The following PIGM variants were observed in gnomAD, a reference collection of about 807,000 sequenced individuals.
The protein encoded by PIGM is phosphatidylinositol glycan anchor biosynthesis class M.
In PIGM, 7 loss-of-function variants were observed where a neutral mutation model predicts 14.6. The ratio of observed to expected loss-of-function variants is 0.48; its 90% CI spans 0.27 to 0.90. The LOEUF (loss-of-function observed/expected upper bound fraction) is 0.90, where lower values mean the gene tolerates loss of function less well. Among genes scored for constraint, PIGM ranks in the 40% least tolerant of loss-of-function variants. The probability of loss-of-function intolerance (pLI) is 0.12; values close to 1 mark genes in which losing one functional copy is unlikely to be tolerated. For synonymous variants in PIGM, 216 were observed against 215.9 expected (o/e 1.00, Z 0.00); for missense variants, 506 against 516.2 (o/e 0.98, Z 0.19).
rs776122765 is a variant in PIGM at position 160,031,586 on chromosome 1, A to G, written c.154T>C (p.Tyr52His). Reference protein sequence around the residue: ...TLHVRYTDIDYQVFTDAARFV... With the variant: ...TLHVRYTDIDHQVFTDAARFV... ...CGCGCGGCGTCGGTGAAGACCTGGT[A>G]GTCGATGTCCGTATACCTCACGTGC... The change falls in exon 1 of 1, where the codon TAC becomes CAC. Residue 52 changes from tyrosine (Y) to histidine (H), a missense_variant. Tyr to His is a moderately conservative substitution (Grantham distance 83). Transcript: ENST00000368090. The G allele has an allele frequency of 1.2e-6, 2 of 1,614,146 alleles. No homozygotes were observed. Among genetic ancestry groups the G allele is most frequent in the Non-Finnish European group, 1.7e-6 (2 of 1,180,020 alleles).
rs745645140 is a variant in PIGM, at chr1:160,030,512, G to T, written c.1228C>A (p.His410Asn). 4 of 1,613,538 alleles carry T rather than the reference G, an allele frequency of 2.5e-6. No individual in the cohort carries two copies. In the Admixed American group the frequency reaches 5.0e-5, roughly 20 times the overall value. ...NCSILIQIIS[H>N]YKEEPLTERI... The stretch of plus-strand genomic sequence containing the variant: ...TCTGTCAGGGGTTCTTCTTTGTAAT[G>T]GGAAATAATTTGAATCAGGATGGAA... The change falls in exon 1 of 1, where the codon CAT becomes AAT. Residue 410 changes from histidine to asparagine, a missense_variant. By Grantham distance (68) the His-to-Asn change is moderately conservative (BLOSUM62 1). Transcript: ENST00000368090.
At position 160,030,443 on chromosome 1, in the gene PIGM, A is replaced by T. The variant is rs1352208698; in HGVS notation, c.*25T>A. The T allele has an allele frequency of 6.3e-6, 10 of 1,588,898 alleles. No individual in the cohort carries two copies. The highest frequency in any genetic ancestry group is 8.6e-6 in the Non-Finnish European group (10 of 1,157,724). ...ATACAAGACAATCAGAATGTAACACAGTAGCAGAGGGTGTGGAACATACAC... is the reference window on the plus strand; with the variant it reads ...ATACAAGACAATCAGAATGTAACACTGTAGCAGAGGGTGTGGAACATACAC... On this transcript the variant is annotated 3_prime_UTR_variant, in exon 1 of 1. Transcript: ENST00000368090.
In PIGM at chr1:160,029,057, C is replaced by A. The variant is rs1648245523; in HGVS notation, c.*1411G>T. 6.6e-6 allele frequency: 1 copy of A among 151,984 alleles called. No individual in the cohort carries two copies. Among genetic ancestry groups the A allele is most frequent in the Admixed American group, 6.5e-5 (1 of 15,268 alleles). 9.4% of individuals were successfully genotyped at this position (151,984 alleles called of 1,614,324 possible). A position where few individuals can be genotyped will look rare whatever the true frequency, so the allele number is the denominator to read the frequency against. On this transcript the variant is annotated 3_prime_UTR_variant, in exon 1 of 1. Coordinates refer to ENST00000368090, the MANE Select transcript of PIGM (RefSeq NM_145167.3). ...GTCTTACTAACAAGTTGTTTTATCA[C>A]CTAAAATCTACTATTATCCATTTTT...
Position 160,027,173 on chromosome 1 carries a change from G to A in PIGM, c.*3295C>T, listed in dbSNP as rs1301538702. ...GGGGGGAACCAAGAGGTTGCATTTA[G>A]GGACAATCCTAGGTATAATTTTTCC... is the stretch of plus-strand genomic sequence containing the variant. On this transcript the variant is annotated 3_prime_UTR_variant, in exon 1 of 1. Coordinates refer to ENST00000368090, the MANE Select transcript of PIGM (RefSeq NM_145167.3). 6.6e-6 allele frequency: 1 copy of A among 152,154 alleles called. No individual in the cohort carries two copies. Among genetic ancestry groups the A allele is most frequent in the Non-Finnish European group, 1.5e-5 (1 of 68,044 alleles). The allele number at this position is 152,154 out of a possible 1,614,324, so 9.4% of individuals were successfully genotyped here.
At position 160,027,950 on chromosome 1, in the gene PIGM, C is replaced by G. The variant is rs1045642092; in HGVS notation, c.*2518G>C. ...TTCCAAAGTTTGAAGTTCCCTCCAA[C>G]GATCCCAGCAGAAATGTTTCTAACT... On this transcript the variant is annotated 3_prime_UTR_variant, in exon 1 of 1. Coordinates refer to ENST00000368090, the MANE Select transcript of PIGM (RefSeq NM_145167.3). 6 of 152,108 alleles carry G rather than the reference C, an allele frequency of 3.9e-5. No individual in the cohort carries two copies. Among genetic ancestry groups the G allele is most frequent in the African/African-American group, 1.4e-4 (6 of 41,412 alleles). 9.4% of individuals were successfully genotyped at this position (152,108 alleles called of 1,614,324 possible).
chr1:160,030,550 A>G lies in PIGM; in HGVS notation c.1190T>C (p.Leu397Pro). The G allele has an allele frequency of 6.2e-7, 1 of 1,613,990 alleles. No homozygotes were observed. The highest frequency in any genetic ancestry group is 8.5e-7 in the Non-Finnish European group (1 of 1,179,836). The part of the protein sequence containing the change: ...LFIWLAGLFF[L>P]LINCSILIQI... ...AATCAGGATGGAACAATTGATAAGA[A>G]GAAAGAACAAACCAGCTAACCAAAT... Residue 397 changes from leucine (L) to proline (P), a missense_variant, in exon 1 of 1, where the codon CTT becomes CCT. Physicochemically the swap from Leu to Pro is moderately conservative, Grantham distance 98. Transcript: ENST00000368090.
At position 160,030,782 on chromosome 1, in the gene PIGM, G is replaced by A; in HGVS notation, c.958C>T (p.His320Tyr). Reference sequence around the variant, plus strand: ...TTAAAAGTCACAAAAATGGACGTATGAAGAAAACAACAAAAAACGAGGTCT... The same window carrying A: ...TTAAAAGTCACAAAAATGGACGTATAAAGAAAACAACAAAAAACGAGGTCT... ...YRDLVFCCFL[H>Y]TSIFVTFNKV... The change falls in exon 1 of 1, where the codon CAT becomes TAT. Residue 320 changes from histidine to tyrosine, a missense_variant. Physicochemically the swap from His to Tyr is moderately conservative, Grantham distance 83 (BLOSUM62 2). Transcript: ENST00000368090. 4 of 1,614,170 alleles carry A rather than the reference G, an allele frequency of 2.5e-6. No individual in the cohort carries two copies. Among genetic ancestry groups the A allele is most frequent in the Non-Finnish European group, 3.4e-6 (4 of 1,180,012 alleles).
rs918357764 is a variant in PIGM at position 160,029,382 on chromosome 1, T to G, written c.*1086A>C. On this transcript the variant is annotated 3_prime_UTR_variant, in exon 1 of 1. Transcript: ENST00000368090. ...ACATGAAACATGATTACAATTTAAA[T>G]TCTTTGGATTATCTTTTTTTTTTTT... The G allele has an allele frequency of 4.7e-5, 7 of 147,832 alleles. No individual in the cohort carries two copies. The highest frequency in any genetic ancestry group is 1.4e-4 in the Admixed American group (2 of 14,166). 9.2% of individuals were successfully genotyped at this position (147,832 alleles called of 1,614,324 possible). A position where few individuals can be genotyped will look rare whatever the true frequency, so the allele number is the denominator to read the frequency against.
rs897377471 is a variant in PIGM at position 160,028,336 on chromosome 1, A to ATGGC, written c.*2128_*2131dup. Reference sequence around the variant, plus strand: ...AATAGGAAAAAAAGGTAAGAATGCTATGGCTGGAAGGCCACTAGTAAACAA... The same window carrying ATGGC: ...AATAGGAAAAAAAGGTAAGAATGCTATGGCTGGCTGGAAGGCCACTAGTAAACAA... On this transcript the variant is annotated 3_prime_UTR_variant, in exon 1 of 1. Coordinates refer to ENST00000368090, the MANE Select transcript of PIGM (RefSeq NM_145167.3). 5 of 152,036 alleles carry ATGGC rather than the reference A, an allele frequency of 3.3e-5. No homozygotes were observed. Among genetic ancestry groups the ATGGC allele is most frequent in the African/African-American group, 1.2e-4 (5 of 41,402 alleles). 9.4% of individuals were successfully genotyped at this position (152,036 alleles called of 1,614,324 possible).
At position 160,030,351 on chromosome 1, in the gene PIGM, A is replaced by G; in HGVS notation, c.*117T>C. On this transcript the variant is annotated 3_prime_UTR_variant, in exon 1 of 1. Transcript: ENST00000368090. ...AACATTGCTTTTAAGTTCTGTTGGA[A>G]CATGGGAACTTTCACTAGAATGCTT... 5.5e-6 allele frequency: 6 copies of G among 1,095,340 alleles called. No homozygotes were observed. The highest frequency in any genetic ancestry group is 8.3e-6 in the Non-Finnish European group (6 of 719,740). 67.9% of individuals were successfully genotyped at this position (1,095,340 alleles called of 1,614,324 possible).
Position 160,031,696 on chromosome 1 carries a change from T to C in PIGM, c.44A>G (p.Lys15Arg), listed in dbSNP as rs1323930592. The C allele has an allele frequency of 6.2e-7, 1 of 1,614,190 alleles. No individual in the cohort carries two copies. Among genetic ancestry groups the C allele is most frequent in the South Asian group, 1.1e-5 (1 of 91,084 alleles). ...KHWGEWLLNL[K>R]VAPAGVFGVA... ...ACCAAAGACGCCGGCTGGAGCCACC[T>C]TCAAGTTCAGGAGCCATTCGCCCCA... Residue 15 changes from lysine (K) to arginine (R), a missense_variant, in exon 1 of 1, where the codon AAG becomes AGG. Lys to Arg is a conservative substitution (Grantham distance 26). Coordinates refer to ENST00000368090, the MANE Select transcript of PIGM (RefSeq NM_145167.3).
rs1166072517 is a variant in PIGM, at chr1:160,026,993, T to G, written c.*3475A>C. 6.6e-6 allele frequency: 1 copy of G among 152,094 alleles called. No homozygotes were observed. The highest frequency in any genetic ancestry group is 1.5e-5 in the Non-Finnish European group (1 of 68,086). The allele number at this position is 152,094 out of a possible 1,614,324, so 9.4% of individuals were successfully genotyped here. Reference sequence around the variant, plus strand: ...CAGCTTCCCAAGTAGCACTTTTTTTTTTGTACAGATGGGGGTCTCACTATG... The same window carrying G: ...CAGCTTCCCAAGTAGCACTTTTTTTGTTGTACAGATGGGGGTCTCACTATG... On this transcript the variant is annotated 3_prime_UTR_variant, in exon 1 of 1. Coordinates refer to ENST00000368090, the MANE Select transcript of PIGM (RefSeq NM_145167.3).
chr1:160,031,543 CG>C lies in PIGM; in HGVS notation c.196del (p.Arg66AlafsTer5). The part of the protein sequence containing the change: ...TDAARFVTEG[R>X]SPYLRATYRY... ...GTACGTGGCTCTCAGGTAAGGCGAG[CG>C]CCCCTCCGTGACGAAGCGCGCGGCG... On this transcript the variant is annotated frameshift_variant, in exon 1 of 1. Transcript: ENST00000368090. LOFTEE classifies it low-confidence loss of function (END_TRUNC). The C allele has an allele frequency of 2.5e-6, 4 of 1,614,182 alleles. No individual in the cohort carries two copies. The highest frequency in any genetic ancestry group is 2.5e-6 in the Non-Finnish European group (3 of 1,180,040).
At position 160,029,776 on chromosome 1, in the gene PIGM, C is replaced by CTTTTTTTTT. The variant is rs1491248746; in HGVS notation, c.*691_*692insAAAAAAAAA. 24 of 77,452 alleles carry CTTTTTTTTT rather than the reference C, an allele frequency of 3.1e-4. 3 individuals are homozygous for CTTTTTTTTT. Among genetic ancestry groups the CTTTTTTTTT allele is most frequent in the African/African-American group, 7.4e-4 (18 of 24,456 alleles). 4.8% of individuals were successfully genotyped at this position (77,452 alleles called of 1,614,324 possible). A position where few individuals can be genotyped will look rare whatever the true frequency, so the allele number is the denominator to read the frequency against. On this transcript the variant is annotated 3_prime_UTR_variant, in exon 1 of 1. Transcript: ENST00000368090. ...TTTTCTATCTAAAAAGTTGTCCTTT[C>CTTTTTTTTT]CTTTTTTTTTTTTTTTTTTTTTTTG...
Position 160,030,423 on chromosome 1 carries a change from A to G in PIGM, c.*45T>C. 6.4e-7 allele frequency: 1 copy of G among 1,561,424 alleles called. No homozygotes were observed. ...CCAAAGCTCTCTTCTGGTCCATACA[A>G]GACAATCAGAATGTAACACAGTAGC... On this transcript the variant is annotated 3_prime_UTR_variant, in exon 1 of 1. Transcript: ENST00000368090.
At position 160,030,005 on chromosome 1, in the gene PIGM, G is replaced by C. The variant is rs1318461415; in HGVS notation, c.*463C>G. On this transcript the variant is annotated 3_prime_UTR_variant, in exon 1 of 1. Transcript: ENST00000368090. ...GCCTCCCAAAGTGCTGAGACTACAGGCAAGGGCCACCATACACAGTTTAAG... is the reference window on the plus strand; with the variant it reads ...GCCTCCCAAAGTGCTGAGACTACAGCCAAGGGCCACCATACACAGTTTAAG... 5.8e-6 allele frequency: 1 copy of C among 171,890 alleles called. No individual in the cohort carries two copies. Among genetic ancestry groups the C allele is most frequent in the African/African-American group, 2.4e-5 (1 of 41,416 alleles). The allele number at this position is 171,890 out of a possible 1,614,324, so 10.6% of individuals were successfully genotyped here.
Position 160,026,533 on chromosome 1 carries a change from G to A in PIGM, c.*3935C>T, listed in dbSNP as rs1470942696. On this transcript the variant is annotated 3_prime_UTR_variant, in exon 1 of 1. Coordinates refer to ENST00000368090, the MANE Select transcript of PIGM (RefSeq NM_145167.3). ...TGTTGAATTTAGATGATGGCAATAT[G>A]AGTAGTGTTTAAAATAGTTAGGTCA... is the stretch of plus-strand genomic sequence containing the variant. 2 of 152,178 alleles carry A rather than the reference G, an allele frequency of 1.3e-5. No individual in the cohort carries two copies. The highest frequency in any genetic ancestry group is 2.4e-5 in the African/African-American group (1 of 41,442). The allele number at this position is 152,178 out of a possible 1,614,324, so 9.4% of individuals were successfully genotyped here.
Position 160,030,510 on chromosome 1 carries a change from A to G in PIGM, c.1230T>C (p.His410=), listed in dbSNP as rs757361945. Residue 410 remains histidine (H), a synonymous_variant, in exon 1 of 1, where the codon CAT becomes CAC. Transcript: ENST00000368090. The part of the protein sequence containing the change: ...NCSILIQIIS[H]YKEEPLTERI... The stretch of plus-strand genomic sequence containing the variant: ...TCTCTGTCAGGGGTTCTTCTTTGTA[A>G]TGGGAAATAATTTGAATCAGGATGG... The G allele has an allele frequency of 4.3e-6, 7 of 1,613,742 alleles. No individual in the cohort carries two copies. The South Asian group carries it at 4.4e-5, about 10-fold the overall frequency.
chr1:160,028,052 G>T lies in PIGM; in HGVS notation c.*2416C>A, dbSNP rs1422785721. The T allele has an allele frequency of 6.6e-6, 1 of 152,154 alleles. No homozygotes were observed. Among genetic ancestry groups the T allele is most frequent in the Non-Finnish European group, 1.5e-5 (1 of 68,018 alleles). 9.4% of individuals were successfully genotyped at this position (152,154 alleles called of 1,614,324 possible). ...TTATTTAGAATATTAAAAACTGGAA[G>T]CAATCTAAAGGTCTAACAGTGGAAG... On this transcript the variant is annotated 3_prime_UTR_variant, in exon 1 of 1. Coordinates refer to ENST00000368090, the MANE Select transcript of PIGM (RefSeq NM_145167.3).
Sources: gnomAD v4.1 joint callset for allele counts on GRCh38, gnomAD v4.1.1 for gene constraint, MANE v1.5 for transcripts, NCBI Gene and HGNC (gene_info 2026-07-23, HGNC 2026-07-21) for gene names.